The following BRAT1 variants were observed in gnomAD, a reference collection of about 807,000 sequenced individuals.
BRAT1 encodes the protein BRCA1 associated ATM activator 1, also known as integrator complex assembly factor BRAT1.
Under a neutral mutation model 70.6 loss-of-function variants are expected in BRAT1, and 74 were observed. The ratio of observed to expected loss-of-function variants is 1.05; its 90% confidence interval spans 0.87 to 1.27. BRAT1 has a LOEUF of 1.27. Ranked by LOEUF, BRAT1 falls within the 50% of genes most tolerant of loss-of-function variation. The pLI is 0.00. For missense variants in BRAT1, 1,203 were observed against 1,098.2 expected (o/e 1.10, Z -1.35); for synonymous variants, 615 against 517.1 (o/e 1.19, Z -2.57).
At chr7:2,553,882 A>G (rs1378159136) in intron 2 of BRAT1, among the ~76,000 whole-genome samples, 3 of 151,714 alleles carry the variant, frequency 2.0e-5, no homozygotes, top group Non-Finnish European at 4.4e-5. Flanking sequence ...CCTGGACTTA[A>G]GCAATCCGCT....
At chr7:2,544,200 GTTTTTTTTTTTT>G in intron 4 of BRAT1, 1 of 106,232 alleles carries the variant, frequency 9.4e-6, no homozygotes, top group South Asian at 2.7e-4. Context: ...CCTTCTTGTT[GTTTTTTTTTTTT>G]TTTTTTTTGA....
At chr7:2,546,121 G>A (rs1028367174) in intron 3 of BRAT1, among the ~76,000 whole-genome samples, 1 of 152,236 alleles carries the variant, frequency 6.6e-6, no homozygotes, top group Non-Finnish European at 1.5e-5. Context: ...AGCTCTGGGA[G>A]GCTCTCGAGC....
intron 4 of BRAT1, among the ~76,000 whole-genome samples, 175 bp downstream of exon 4, chr7:2,544,734 C>T (rs978261029): frequency 6.6e-6 from 1 of 152,248 alleles, no homozygotes; most frequent in Non-Finnish European, 1.5e-5. Flanking sequence ...GTCCTGGCTC[C>T]TAGGGCCTGA....
rs557291535 is a variant in BRAT1 at position 2,543,616 on chromosome 7, G to A, written c.777C>T (p.Phe259=). ...GAGCCACACAGAGAAGCAGGTCCAC[G>A]AACGAGTGTGCGGCGGGGATGGGGT... ...ERDPIPAAHS[F]VDLLLCVARS... is the part of the protein sequence containing the mutation. The change falls in exon 5 of 14, where the codon TTC becomes TTT. Residue 259 remains phenylalanine, a synonymous_variant. Transcript: ENST00000340611. This position sits in a 1 kb window ranked among gnomAD's most constrained non-coding sequence, Gnocchi z 5.5. 56 of 1,528,076 alleles carry A rather than the reference G, an allele frequency of 3.7e-5. No individual in the cohort carries two copies. Among genetic ancestry groups the A allele is most frequent in the African/African-American group, 6.9e-5 (5 of 72,682 alleles). 94.7% of individuals were successfully genotyped at this position (1,528,076 alleles called of 1,614,324 possible).
intron 2 of BRAT1, among the ~76,000 whole-genome samples, chr7:2,549,052 A>G (rs927142684): frequency 1.3e-5 from 2 of 152,254 alleles, no homozygotes; most frequent in African/African-American, 2.4e-5. Context: ...ACAAAACAGA[A>G]TTAAAATACT....
chr7:2,551,099 G>C (rs146215608), intron 2 of BRAT1, among the ~76,000 whole-genome samples: 1 of 151,984 alleles, frequency 6.6e-6, no homozygotes, highest in Non-Finnish European at 1.5e-5. Context: ...AATTGGCCGG[G>C]CATGGTGGCA....
intron 1 of BRAT1, among the ~76,000 whole-genome samples, chr7:2,555,004 C>T (rs977933007): frequency 2.0e-4 from 30 of 148,690 alleles, no homozygotes; most frequent in Admixed American, 1.7e-3. Context: ...ATTTGCTGTT[C>T]TGCAGCCAGT....
In BRAT1 at chr7:2,544,266, GATCTC is replaced by G. The variant is rs1175350024; in HGVS notation, c.431-309_431-305del. 11 of 234,010 alleles carry G rather than the reference GATCTC, an allele frequency of 4.7e-5. No individual in the cohort carries two copies. In the South Asian group the frequency reaches 1.0e-3, roughly 22 times the overall value. 14.5% of individuals were successfully genotyped at this position (234,010 alleles called of 1,614,324 possible). A position where few individuals can be genotyped will look rare whatever the true frequency, so the allele number is the denominator to read the frequency against. The stretch of plus-strand genomic sequence containing the variant: ...TGCCCAGGGTGGAGTACAATGGTGC[GATCTC>G]AGTTCACTGCAACTTCCACCTCCCA... On this transcript the variant is annotated intron_variant, in intron 4 of 13. Coordinates refer to ENST00000340611, the MANE Select transcript of BRAT1 (RefSeq NM_152743.4).
chr7:2,549,274 C>T (rs1458179009), intron 2 of BRAT1, among the ~76,000 whole-genome samples: 3 of 152,088 alleles, frequency 2.0e-5, no homozygotes, highest in African/African-American at 7.2e-5. Flanking sequence ...TGCCTGAGCC[C>T]AGGAGTTTTA....
intron 4 of BRAT1, among the ~76,000 whole-genome samples, chr7:2,544,403 T>C (rs1042646678): frequency 2.6e-5 from 4 of 152,102 alleles, no homozygotes; most frequent in South Asian, 2.1e-4. Context: ...GGTTTCACCA[T>C]GTTGGCCAGG....
chr7:2,539,903 G>A lies in BRAT1; in HGVS notation c.1396-15C>T, dbSNP rs1376623182. ...TTCTTCAGAACCTGGAGCAGATAGG[G>A]TGGGCTGCAGGGCCACGGGAGACGG... On this transcript the variant is annotated splice_polypyrimidine_tract_variant and intron_variant, in intron 10 of 13. Coordinates refer to ENST00000340611, the MANE Select transcript of BRAT1 (RefSeq NM_152743.4). 2.0e-6 allele frequency: 3 copies of A among 1,511,946 alleles called. No individual in the cohort carries two copies. Among genetic ancestry groups the A allele is most frequent in the Admixed American group, 4.5e-5 (2 of 44,740 alleles). The allele number at this position is 1,511,946 out of a possible 1,614,324, so 93.7% of individuals were successfully genotyped here. A position where few individuals can be genotyped will look rare whatever the true frequency, so the allele number is the denominator to read the frequency against.
At position 2,538,399 on chromosome 7, in the gene BRAT1, G is replaced by T. The variant is rs1166656735; in HGVS notation, c.2136C>A (p.Asp712Glu). ...DFAFCALFDCDRPVAQKSCDL... is the reference protein window; with the variant it reads ...DFAFCALFDCERPVAQKSCDL... ...CACAAGACTTCTGCGCCACAGGGCG[G>T]TCGCAGTCAAACAAGGCACAAAAGG... is the stretch of plus-strand genomic sequence containing the variant. The change falls in exon 14 of 14, where the codon GAC (aspartate) becomes GAA (glutamate). Residue 712 changes from aspartate to glutamate, a missense_variant. Transcript: ENST00000340611. The T allele has an allele frequency of 6.2e-7, 1 of 1,613,562 alleles. No individual in the cohort carries two copies. The highest frequency in any genetic ancestry group is 1.1e-5 in the South Asian group (1 of 91,088).
Position 2,547,341 on chromosome 7 carries a change from A to C in BRAT1, c.265T>G (p.Cys89Gly). 2 of 1,614,118 alleles carry C rather than the reference A, an allele frequency of 1.2e-6. No homozygotes were observed. Among genetic ancestry groups the C allele is most frequent in the Non-Finnish European group, 1.7e-6 (2 of 1,180,020 alleles). The change falls in exon 3 of 14, where the codon TGC becomes GGC. Residue 89 changes from cysteine (C) to glycine (G), a missense_variant. By Grantham distance (159) the Cys-to-Gly change is radical (BLOSUM62 -3). Transcript: ENST00000340611. Reference protein sequence around the residue: ...LAGTFAAQENCFQYLQQGELL... With the variant: ...LAGTFAAQENGFQYLQQGELL... ...AGGCTCACCTGAAGATACTGGAAGC[A>C]GTTTTCCTGGGCTGCGAAGGTTCCT...
rs550539572 is a variant in BRAT1 at position 2,540,975 on chromosome 7, G to A, written c.1395+4C>T. ...CTCCTCGCTCTCTATCCCCACCACC[G>A]TACCGTGGGGCTGGAGCCGGGGCTC... is the stretch of plus-strand genomic sequence containing the variant. On this transcript the variant is annotated splice_donor_region_variant and intron_variant, in intron 10 of 13. Transcript: ENST00000340611. The A allele has an allele frequency of 1.0e-4, 162 of 1,545,762 alleles. No homozygotes were observed. The South Asian group carries it at 1.6e-3, about 16-fold the overall frequency.
intron 2 of BRAT1, among the ~76,000 whole-genome samples, chr7:2,548,807 T>C (rs972388550): frequency 3.3e-5 from 5 of 150,150 alleles, no homozygotes; most frequent in African/African-American, 1.2e-4. Context: ...TCTACTAAAA[T>C]ATAAAAAATT....
chr7:2,539,655 G>C lies in BRAT1; in HGVS notation c.1499-13C>G, dbSNP rs1280012449. Reference sequence around the variant, plus strand: ...ACAGGGAACAGCTCTAGGGTGGGAAGGGACAGGTCAGGGTGACCTTGGGGC... The same window carrying C: ...ACAGGGAACAGCTCTAGGGTGGGAACGGACAGGTCAGGGTGACCTTGGGGC... On this transcript the variant is annotated splice_polypyrimidine_tract_variant and intron_variant, in intron 11 of 13. Coordinates refer to ENST00000340611, the MANE Select transcript of BRAT1 (RefSeq NM_152743.4). The C allele has an allele frequency of 2.9e-5, 46 of 1,583,368 alleles. No homozygotes were observed. Among genetic ancestry groups the C allele is most frequent in the Non-Finnish European group, 3.9e-5 (45 of 1,163,780 alleles).
chr7:2,537,835 A>C lies in BRAT1; in HGVS notation c.*234T>G. 1.7e-6 allele frequency: 1 copy of C among 585,236 alleles called. No homozygotes were observed. The highest frequency in any genetic ancestry group is 2.6e-6 in the Non-Finnish European group (1 of 380,626). The allele number at this position is 585,236 out of a possible 1,614,324, so 36.3% of individuals were successfully genotyped here. On this transcript the variant is annotated 3_prime_UTR_variant, in exon 14 of 14. Transcript: ENST00000340611. ...CCTTGTCTCAGATCATTATTATTAAATTAACTCAAAAAGGGTTAAAGAAAG... is the reference window on the plus strand; with the variant it reads ...CCTTGTCTCAGATCATTATTATTAACTTAACTCAAAAAGGGTTAAAGAAAG...
intron 3 of BRAT1, among the ~76,000 whole-genome samples, chr7:2,546,136 A>C (rs1393800338): frequency 6.6e-6 from 1 of 152,222 alleles, no homozygotes; most frequent in Non-Finnish European, 1.5e-5. Context: ...TCGAGCTCTC[A>C]TGCCTTGCTA....
In BRAT1 at chr7:2,541,606, G is replaced by A. The variant is rs547967452; in HGVS notation, c.1134+112C>T. 2.1e-5 allele frequency: 31 copies of A among 1,453,458 alleles called. No individual in the cohort carries two copies. In the South Asian group the frequency reaches 3.9e-4, roughly 18 times the overall value. The allele number at this position is 1,453,458 out of a possible 1,614,324, so 90.0% of individuals were successfully genotyped here. A position where few individuals can be genotyped will look rare whatever the true frequency, so the allele number is the denominator to read the frequency against. Reference sequence around the variant, plus strand: ...AGCCAAGGTTGTGGTCCCACTGCTGGCGTGGATGCAAGGGTGCTGGGGCAG... The same window carrying A: ...AGCCAAGGTTGTGGTCCCACTGCTGACGTGGATGCAAGGGTGCTGGGGCAG... On this transcript the variant is annotated intron_variant, in intron 8 of 13. Transcript: ENST00000340611.
Sources: gnomAD v4.1 joint callset for allele counts (sites outside exome capture counted in the v4.1 genomes callset) on GRCh38, gnomAD v4.1.1 for gene constraint, Gnocchi (gnomAD v3.1) non-coding constraint, MANE v1.5 for transcripts, NCBI Gene and HGNC (gene_info 2026-07-23, HGNC 2026-07-21) for gene names.